Variants in MICU1 observed in about 807,000 individuals in gnomAD.
The protein encoded by MICU1 is calcium uptake protein 1, mitochondrial.
In MICU1, 45 loss-of-function variants were observed where a neutral mutation model predicts 56.8. The ratio of observed to expected loss-of-function variants is 0.79; its 90% CI spans 0.62 to 1.02. MICU1 has a LOEUF of 1.02. Ranked by LOEUF, MICU1 falls within the 50% of genes least tolerant of loss-of-function variation. The probability of loss-of-function intolerance (pLI) is 0.00; values close to 1 mark genes in which losing one functional copy is unlikely to be tolerated. For missense variants in MICU1, 504 were observed against 587.1 expected (o/e 0.86, Z 1.46); for synonymous variants, 186 against 195.1 (o/e 0.95, Z 0.39).
At chr10:72,490,916 T>C (rs1194917048) in intron 6 of MICU1, among the ~76,000 whole-genome samples, 1 of 152,168 alleles carries the variant, frequency 6.6e-6, no homozygotes, top group Admixed American at 6.5e-5. Context: ...TTTGTCTTCG[T>C]CCAGATCTGA....
At chr10:72,523,740 T>G in intron 5 of MICU1, 3 of 1,150,250 alleles carry the variant, frequency 2.6e-6, no homozygotes, top group Non-Finnish European at 3.4e-6. Flanking sequence ...ATGAATAAAT[T>G]TTAATAATTT....
chr10:72,437,191 C>T (rs1027932469), intron 8 of MICU1, among the ~76,000 whole-genome samples: 2 of 152,168 alleles, frequency 1.3e-5, no homozygotes, highest in African/African-American at 4.8e-5. Flanking sequence ...AGACTAACAG[C>T]AGATCTCTCG....
intron 6 of MICU1, among the ~76,000 whole-genome samples, chr10:72,493,182 C>T (rs1428227112): frequency 1.3e-5 from 2 of 151,928 alleles, no homozygotes; most frequent in Admixed American, 1.3e-4. Flanking sequence ...TATATGTATG[C>T]ATGTACATGT....
chr10:72,622,737 T>C (rs577892294), intron 1 of MICU1, among the ~76,000 whole-genome samples: 3 of 152,338 alleles, frequency 2.0e-5, no homozygotes, highest in East Asian at 3.9e-4. Context: ...CAATATTGTA[T>C]TTTCGATAAT....
chr10:72,608,334 A>C (rs1841748838), intron 1 of MICU1, among the ~76,000 whole-genome samples: 1 of 152,200 alleles, frequency 6.6e-6, no homozygotes, highest in African/African-American at 2.4e-5. Context: ...GGCAGCCCGA[A>C]GTGCTGGGAT....
At chr10:72,557,605 C>T (rs1008444954) in intron 3 of MICU1, among the ~76,000 whole-genome samples, 1 of 152,200 alleles carries the variant, frequency 6.6e-6, no homozygotes, top group South Asian at 2.1e-4. Flanking sequence ...AGAGTTTTTA[C>T]GTCAGACAGA....
intron 9 of MICU1, among the ~76,000 whole-genome samples, chr10:72,416,425 G>T (rs1863985725): frequency 6.6e-6 from 1 of 152,098 alleles, no homozygotes; most frequent in Non-Finnish European, 1.5e-5. Context: ...TTTTCAAGGG[G>T]TATGCTAGCA....
intron 11 of MICU1, among the ~76,000 whole-genome samples, chr10:72,369,943 C>T (rs1175393154): frequency 5.7e-5 from 8 of 140,840 alleles, no homozygotes; most frequent in African/African-American, 1.6e-4. Flanking sequence ...TGCAGTGGTG[C>T]GATCTCGGAT....
chr10:72,598,452 C>CT (rs1841436395), intron 1 of MICU1, among the ~76,000 whole-genome samples: 1 of 151,946 alleles, frequency 6.6e-6, no homozygotes, highest in Non-Finnish European at 1.5e-5. Context: ...AACAGGGTTT[C>CT]ACCATGTTGG....
At chr10:72,589,631 T>TA (rs5786086) in intron 1 of MICU1, among the ~76,000 whole-genome samples, 70,372 of 151,678 alleles carry the variant, frequency 0.46, 20,406 homozygotes, top group Non-Finnish European at 0.67. Flanking sequence ...TATAAGACAT[T>TA]AAAACATATA....
intron 1 of MICU1, among the ~76,000 whole-genome samples, chr10:72,581,591 G>A (rs951430772): frequency 6.6e-6 from 1 of 152,176 alleles, no homozygotes; most frequent in African/African-American, 2.4e-5. Flanking sequence ...TCACACCACT[G>A]CACTCCAGCC....
intron 5 of MICU1, chr10:72,531,443 A>G (rs1839479225): frequency 6.6e-6 from 1 of 152,054 alleles, no homozygotes; most frequent in Non-Finnish European, 1.5e-5. Context: ...CTAAAGAAAA[A>G]TGATGGTGGC....
chr10:72,401,304 G>A (rs1863447258), intron 10 of MICU1, among the ~76,000 whole-genome samples: 2 of 152,204 alleles, frequency 1.3e-5, no homozygotes, highest in South Asian at 4.1e-4. Flanking sequence ...ACAATGTGAT[G>A]TTTTGACATA....
At chr10:72,617,373 CTT>C (rs1222603022) in intron 1 of MICU1, among the ~76,000 whole-genome samples, 2 of 152,094 alleles carry the variant, frequency 1.3e-5, no homozygotes, top group Admixed American at 1.3e-4. Flanking sequence ...AGTTTAAACT[CTT>C]TTTAATGCTA....
chr10:72,513,703 A>G (rs1867557937), intron 5 of MICU1, among the ~76,000 whole-genome samples: 1 of 151,982 alleles, frequency 6.6e-6, no homozygotes, highest in Non-Finnish European at 1.5e-5. Context: ...TTATTGATCC[A>G]TTTTGAGTTA....
At chr10:72,470,740 T>C (rs551397313) in intron 8 of MICU1, among the ~76,000 whole-genome samples, 1 of 152,182 alleles carries the variant, frequency 6.6e-6, no homozygotes, top group South Asian at 2.1e-4. Context: ...AATGAAACCA[T>C]AGCACTAGAC....
intron 9 of MICU1, among the ~76,000 whole-genome samples, chr10:72,413,534 A>G (rs906766976): frequency 4.6e-5 from 7 of 152,184 alleles, no homozygotes; most frequent in Admixed American, 6.5e-5. Flanking sequence ...GATGTTCGAG[A>G]CCAGCCTGAC....
intron 8 of MICU1, among the ~76,000 whole-genome samples, chr10:72,456,639 T>C (rs965146071): frequency 2.0e-5 from 3 of 152,184 alleles, no homozygotes; most frequent in Admixed American, 1.3e-4. Context: ...TTAGAAACTA[T>C]GTGATATAAT....
intron 6 of MICU1, among the ~76,000 whole-genome samples, chr10:72,489,323 C>A (rs866312425): frequency 1.8e-4 from 21 of 116,284 alleles, no homozygotes; most frequent in Middle Eastern, 4.2e-3. Flanking sequence ...CACACACACA[C>A]AAAAATAAAA....
Sources: allele counts gnomAD v4.1 joint callset (sites outside exome capture counted in the v4.1 genomes callset), GRCh38; gene constraint gnomAD v4.1.1; transcripts MANE v1.5; gene names NCBI Gene and HGNC (gene_info 2026-07-23, HGNC 2026-07-21).